The following STXBP3 variants were observed in gnomAD, a reference collection of about 807,000 sequenced individuals.
STXBP3 encodes the protein syntaxin binding protein 3.
STXBP3 carries 41 observed loss-of-function variants against 85.7 expected under a neutral mutation model. That is an observed-to-expected ratio of 0.48 (90% CI 0.37 to 0.62). The LOEUF (loss-of-function observed/expected upper bound fraction) is 0.62, where lower values mean the gene tolerates loss of function less well. STXBP3 is among the 20% of genes least tolerant of loss of function. STXBP3 has a pLI of 0.00. For synonymous variants in STXBP3, 229 were observed against 231.7 expected (o/e 0.99, Z 0.10); for missense variants, 563 against 703.1 (o/e 0.80, Z 2.25).
intron 11 of STXBP3, among the ~76,000 whole-genome samples, chr1:108,792,183 A>G (rs186213654): frequency 2.6e-5 from 4 of 152,322 alleles, no homozygotes; most frequent in African/African-American, 7.2e-5. Flanking sequence ...TAGGACATTC[A>G]TTGGATTTTT....
At chr1:108,748,995 TAAAC>T (rs1661851422) in intron 1 of STXBP3, among the ~76,000 whole-genome samples, 1 of 152,202 alleles carries the variant, frequency 6.6e-6, no homozygotes, top group Non-Finnish European at 1.5e-5. Flanking sequence ...TGTATTAATA[TAAAC>T]AAAGGGTTGT....
At chr1:108,804,200 C>T (rs1246002171) in intron 17 of STXBP3, among the ~76,000 whole-genome samples, 1 of 152,006 alleles carries the variant, frequency 6.6e-6, no homozygotes, top group Non-Finnish European at 1.5e-5. Flanking sequence ...ATTTCTTAAA[C>T]TTTTTTGTTT....
chr1:108,788,995 C>T (rs891537824), intron 11 of STXBP3, among the ~76,000 whole-genome samples: 23 of 151,958 alleles, frequency 1.5e-4, no homozygotes, highest in East Asian at 9.6e-4. Flanking sequence ...ACCTGGGAGA[C>T]GGAGGTTGCA....
At chr1:108,778,551 G>T (rs1373956623) in intron 8 of STXBP3, among the ~76,000 whole-genome samples, 1 of 152,074 alleles carries the variant, frequency 6.6e-6, no homozygotes, top group South Asian at 2.1e-4. Flanking sequence ...ATTTCAGACC[G>T]CAATGCCCTC....
intron 1 of STXBP3, among the ~76,000 whole-genome samples, chr1:108,749,325 TG>T (rs1661857207): frequency 6.6e-6 from 1 of 152,316 alleles, no homozygotes; most frequent in East Asian, 1.9e-4. Context: ...GACATGTAGC[TG>T]CTTGTATCTG....
At chr1:108,773,039 C>T (rs370688551) in intron 7 of STXBP3, among the ~76,000 whole-genome samples, 1 of 152,162 alleles carries the variant, frequency 6.6e-6, no homozygotes, top group African/African-American at 2.4e-5. Context: ...GTACAATTTA[C>T]GGACGGTTTT....
At chr1:108,795,026 T>C (rs1039753800) in intron 13 of STXBP3, 119 bp downstream of exon 13, 4 of 771,058 alleles carry the variant, frequency 5.2e-6, no homozygotes, top group Non-Finnish European at 8.2e-6. Context: ...ACAGACTCTC[T>C]CTTATCAGGG....
chr1:108,759,136 TGTTAC>T (rs1387670217), intron 5 of STXBP3: 2 of 152,336 alleles, frequency 1.3e-5, no homozygotes, highest in Admixed American at 1.3e-4. Flanking sequence ...TTCTGTCTTA[TGTTAC>T]ATGTTATATA....
chr1:108,767,710 A>G (rs1210991856), intron 6 of STXBP3: 1 of 152,568 alleles, frequency 6.6e-6, no homozygotes, highest in East Asian at 1.9e-4. Flanking sequence ...CAGCCTCCCA[A>G]GTAGCTGGGA....
rs562430439 is a variant in STXBP3 at position 108,770,375 on chromosome 1, G to A, written c.439-2290G>A. On this transcript the variant is annotated intron_variant, in intron 6 of 18. Transcript: ENST00000370008. ...TGAGTGGGAGGGAGAAGCCTTGGGC[G>A]GCCGTGCGATAAATGTTTTTAATCG... Among the ~76,000 whole-genome samples the A allele has an allele frequency of 1.2e-4, 18 of 152,228 alleles. No individual in the cohort carries two copies. In the East Asian group the frequency reaches 3.1e-3, roughly 26 times the overall value.
At chr1:108,762,010 T>C (rs886300307) in intron 6 of STXBP3, among the ~76,000 whole-genome samples, 40 of 152,040 alleles carry the variant, frequency 2.6e-4, no homozygotes, top group African/African-American at 9.7e-4. Context: ...AATCTAACTG[T>C]TTTGGAGAAA....
intron 13 of STXBP3, among the ~76,000 whole-genome samples, chr1:108,795,640 A>G (rs1300491095): frequency 1.3e-5 from 2 of 152,194 alleles, no homozygotes; most frequent in South Asian, 4.1e-4. Flanking sequence ...AGCACATCTT[A>G]ATTCAGACTG....
intron 6 of STXBP3, among the ~76,000 whole-genome samples, chr1:108,760,955 G>A (rs928329157): frequency 1.3e-5 from 2 of 152,112 alleles, no homozygotes; most frequent in East Asian, 1.9e-4. Flanking sequence ...CCAGGCTGGA[G>A]TGCAATGGCG....
chr1:108,752,844 A>G (rs533152387), intron 2 of STXBP3, among the ~76,000 whole-genome samples: 1 of 152,342 alleles, frequency 6.6e-6, no homozygotes, highest in African/African-American at 2.4e-5. Flanking sequence ...TCTATGTTTC[A>G]AATTAGAAAT....
At chr1:108,805,006 T>C (rs1227233973) in intron 17 of STXBP3, among the ~76,000 whole-genome samples, 2 of 152,260 alleles carry the variant, frequency 1.3e-5, no homozygotes, top group Non-Finnish European at 2.9e-5. Context: ...TTTAAAAACA[T>C]GTTTCCTCTT....
chr1:108,797,069 C>T (rs1262904414), intron 15 of STXBP3, among the ~76,000 whole-genome samples: 1 of 151,862 alleles, frequency 6.6e-6, no homozygotes, highest in Non-Finnish European at 1.5e-5. Flanking sequence ...AAAATTTAGG[C>T]TCGCTGGGTA....
chr1:108,807,769 G>T (rs796923052), intron 18 of STXBP3, among the ~76,000 whole-genome samples: 12 of 151,958 alleles, frequency 7.9e-5, no homozygotes, highest in African/African-American at 2.7e-4. Context: ...TAGAGACAGG[G>T]TTTCACCATG....
intron 8 of STXBP3, among the ~76,000 whole-genome samples, chr1:108,778,491 G>C (rs1662635844): frequency 6.6e-6 from 1 of 152,128 alleles, no homozygotes; most frequent in Admixed American, 6.6e-5. Context: ...ACCTGCATTT[G>C]AATCTCCATT....
intron 6 of STXBP3, among the ~76,000 whole-genome samples, chr1:108,770,328 C>T (rs11580590): frequency 9.9e-4 from 150 of 152,192 alleles, no homozygotes; most frequent in Admixed American, 1.7e-3. Flanking sequence ...CTACACATGA[C>T]CATGGCTAAA....
Sources: gnomAD v4.1 joint callset for allele counts (sites outside exome capture counted in the v4.1 genomes callset) on GRCh38, gnomAD v4.1.1 for gene constraint, MANE v1.5 for transcripts, NCBI Gene and HGNC (gene_info 2026-07-23, HGNC 2026-07-21) for gene names.